Variants in ENTREP2 observed in about 807,000 individuals in gnomAD.
ENTREP2 encodes the protein protein ENTREP2.
the ENTREP2 span, among the ~76,000 whole-genome samples, chr15:29,562,021 T>A: frequency 2.6e-5 from 4 of 152,234 alleles, no homozygotes; most frequent in Non-Finnish European, 5.9e-5. Flanking sequence ...GAGAAAAGCA[T>A]GGCATCAACT....
chr15:29,384,133 C>G, the ENTREP2 span, among the ~76,000 whole-genome samples: 1 of 151,982 alleles, frequency 6.6e-6, no homozygotes, highest in African/African-American at 2.4e-5. Context: ...CATGTCATTT[C>G]ACAGTCAGAG....
chr15:29,230,066 G>C, the ENTREP2 span, among the ~76,000 whole-genome samples: 52 of 152,112 alleles, frequency 3.4e-4, no homozygotes, highest in African/African-American at 1.2e-3. Context: ...AAGACACCTG[G>C]ATATCATACT....
chr15:29,655,513 C>CA, the ENTREP2 span, among the ~76,000 whole-genome samples: 3,395 of 152,074 alleles, frequency 0.022, 130 homozygotes, highest in African/African-American at 0.077. Flanking sequence ...AAGAAAGCAA[C>CA]AAAAAGCAAT....
the ENTREP2 span, chr15:29,269,607 C>G: frequency 0.018 from 28,324 of 1,561,684 alleles, 4,074 homozygotes; most frequent in African/African-American, 0.33. Context: ...GGGCGTCTTC[C>G]CCGGCCCGCG....
At chr15:29,361,845 G>C in the ENTREP2 span, among the ~76,000 whole-genome samples, 3 of 152,208 alleles carry the variant, frequency 2.0e-5, no homozygotes, top group Admixed American at 2.0e-4. Flanking sequence ...ATGTAACAAA[G>C]CCTCCATTAG....
chr15:29,445,250 C>T, the ENTREP2 span, among the ~76,000 whole-genome samples: 2 of 152,288 alleles, frequency 1.3e-5, no homozygotes, highest in East Asian at 3.9e-4. Context: ...TCCTGGCATG[C>T]AGCTCCTAAC....
chr15:29,332,225 T>C, the ENTREP2 span, among the ~76,000 whole-genome samples: 1 of 151,930 alleles, frequency 6.6e-6, no homozygotes, highest in African/African-American at 2.4e-5. Context: ...AACAGGAAAT[T>C]ACAAAAAGAA....
At chr15:29,284,998 A>G in the ENTREP2 span, among the ~76,000 whole-genome samples, 2 of 152,226 alleles carry the variant, frequency 1.3e-5, no homozygotes, top group Admixed American at 1.3e-4. Context: ...AGGAATAAGG[A>G]GAAGACAAGG....
chr15:29,461,662 C>A, the ENTREP2 span, among the ~76,000 whole-genome samples: 1 of 152,070 alleles, frequency 6.6e-6, no homozygotes, highest in South Asian at 2.1e-4. Flanking sequence ...TTTGGTAGAG[C>A]TGGGGTTTCA....
the ENTREP2 span, among the ~76,000 whole-genome samples, chr15:29,175,097 G>A: frequency 2.0e-5 from 3 of 152,092 alleles, no homozygotes; most frequent in African/African-American, 7.2e-5. Context: ...TAGTGTCCCG[G>A]GTAGCAGCCT....
the ENTREP2 span, among the ~76,000 whole-genome samples, chr15:29,539,404 G>A: frequency 1.3e-5 from 2 of 152,054 alleles, no homozygotes; most frequent in African/African-American, 2.4e-5. Context: ...GCAAGTTCAC[G>A]ACATGCCAGG....
At chr15:29,132,359 A>G in the ENTREP2 span, among the ~76,000 whole-genome samples, 1 of 152,128 alleles carries the variant, frequency 6.6e-6, no homozygotes, top group Non-Finnish European at 1.5e-5. Context: ...CCGTGAATTG[A>G]AAAGTGCTCC....
the ENTREP2 span, among the ~76,000 whole-genome samples, chr15:29,511,487 T>C: frequency 0.45 from 68,898 of 151,468 alleles, 16,125 homozygotes; most frequent in African/African-American, 0.56. Context: ...TGCCACCATG[T>C]CCAGCTGATT....
the ENTREP2 span, among the ~76,000 whole-genome samples, chr15:29,436,734 G>C: frequency 1.3e-5 from 2 of 152,088 alleles, no homozygotes; most frequent in East Asian, 3.9e-4. Flanking sequence ...AAAATGCAAG[G>C]GAACACTGAT....
At chr15:29,379,329 C>T in the ENTREP2 span, among the ~76,000 whole-genome samples, 12,161 of 152,216 alleles carry the variant, frequency 0.08, 741 homozygotes, top group African/African-American at 0.15. Context: ...TGGACAGGGG[C>T]CAGGGTAGCC....
chr15:29,268,804 G>A, the ENTREP2 span: 17 of 1,609,476 alleles, frequency 1.1e-5, no homozygotes, highest in Non-Finnish European at 1.4e-5. Context: ...AGAGGATGGA[G>A]CTGGGCCACT....
chr15:29,374,749 C>T, the ENTREP2 span: 45 of 152,082 alleles, frequency 3.0e-4, no homozygotes, highest in African/African-American at 1.0e-3. Context: ...TGATTTTTTT[C>T]CATATTTTTG....
At chr15:29,524,741 C>T in the ENTREP2 span, among the ~76,000 whole-genome samples, 2 of 152,168 alleles carry the variant, frequency 1.3e-5, no homozygotes, top group African/African-American at 4.8e-5. Context: ...CAGTCAGTGG[C>T]AGGTCTGCAA....
At chr15:29,269,788 G>T in the ENTREP2 span, 1 of 1,274,562 alleles carries the variant, frequency 7.8e-7, no homozygotes, top group South Asian at 1.7e-5. Context: ...CGCTAACGCC[G>T]GTGCCTGGAG....
Sources: gnomAD v4.1 joint callset for allele counts (sites outside exome capture counted in the v4.1 genomes callset) on GRCh38, gnomAD v4.1.1 for gene constraint, MANE v1.5 for transcripts, NCBI Gene and HGNC (gene_info 2026-07-23, HGNC 2026-07-21) for gene names.